SPIB: variants seen among roughly 807,000 people sequenced by gnomAD.
The protein encoded by SPIB is Spi-B transcription factor.
A neutral mutation model predicts 31.9 loss-of-function variants in SPIB; 7 were observed. The ratio of observed to expected loss-of-function variants is 0.22; its 90% confidence interval spans 0.12 to 0.41. SPIB has a LOEUF of 0.41. Among genes scored for constraint, SPIB ranks in the 10% least tolerant of loss-of-function variants. The pLI is 1.00. For missense variants in SPIB, 327 were observed against 360.2 expected, an observed-to-expected ratio of 0.91 and a Z score of 0.75; for synonymous variants, 176 against 158.9, an observed-to-expected ratio of 1.11 and a Z score of -0.81.
rs1452818603 is a variant in SPIB, at chr19:50,430,291, C to T, written c.*1955C>T. 1 of 152,222 alleles carries T rather than the reference C, an allele frequency of 6.6e-6. No individual in the cohort carries two copies. Among genetic ancestry groups the T allele is most frequent in the African/African-American group, 2.4e-5 (1 of 41,410 alleles). The allele number at this position is 152,222 out of a possible 1,614,324, so 9.4% of individuals were successfully genotyped here. A position where few individuals can be genotyped will look rare whatever the true frequency, so the allele number is the denominator to read the frequency against. ...ACTGAAGCCTGGGTGGACTATGGAG[C>T]CCTGGTTGGGACCCCCAGGGAGTCA... On this transcript the variant is annotated 3_prime_UTR_variant, in exon 6 of 6. Transcript: ENST00000595883.
At chr19:50,421,732 G>C (rs561202582) in intron 2 of SPIB, among the ~76,000 whole-genome samples, 16 of 151,884 alleles carry the variant, frequency 1.1e-4, no homozygotes, top group African/African-American at 3.9e-4. Context: ...CTCCTGCCTC[G>C]GCCTCCAGAG....
At chr19:50,419,852 C>A in intron 1 of SPIB, 94 bp from the exon 2 acceptor site, 1 of 1,354,906 alleles carries the variant, frequency 7.4e-7, no homozygotes, top group Non-Finnish European at 9.9e-7. Context: ...GCGGTGGTCA[C>A]AGCTGCTGCC....
Position 50,423,124 on chromosome 19 carries a change from T to C in SPIB, c.339+87T>C, listed in dbSNP as rs938183252. 9 of 646,412 alleles carry C rather than the reference T, an allele frequency of 1.4e-5. 1 individual carries two copies. The highest frequency in any genetic ancestry group is 2.0e-5 in the Non-Finnish European group (8 of 396,122). The allele number at this position is 646,412 out of a possible 1,614,324, so 40.0% of individuals were successfully genotyped here. The stretch of plus-strand genomic sequence containing the variant: ...ATCCCAGCTGCTTGAGAGGCTGAGG[T>C]GGGAGGAGGATTGCTTGAGCCCAGA... On this transcript the variant is annotated intron_variant, in intron 4 of 5. Coordinates refer to ENST00000595883, the MANE Select transcript of SPIB (RefSeq NM_003121.5).
chr19:50,419,068 C>A, intron 1 of SPIB, 83 bp downstream of exon 1: 1 of 1,501,388 alleles, frequency 6.7e-7, no homozygotes, highest in Non-Finnish European at 9.1e-7. Context: ...GCAGTGGTTT[C>A]TCTGCTCCTC....
At chr19:50,419,250 C>T (rs545489456) in intron 1 of SPIB, among the ~76,000 whole-genome samples, 40 of 152,278 alleles carry the variant, frequency 2.6e-4, no homozygotes, top group African/African-American at 6.3e-4. Flanking sequence ...GGGCGTCCTC[C>T]GTGGCTCTCA....
chr19:50,423,875 C>T, intron 5 of SPIB, 120 bp downstream of exon 5: 1 of 1,185,450 alleles, frequency 8.4e-7, no homozygotes, highest in Non-Finnish European at 1.2e-6. Flanking sequence ...CCCAGATCCG[C>T]ACCACCTGCT....
intron 2 of SPIB, 28 bp downstream of exon 2, chr19:50,420,001 AG>A (rs2039474049): frequency 6.2e-6 from 9 of 1,446,394 alleles, no homozygotes; most frequent in South Asian, 6.2e-5. Flanking sequence ...GGGGCCAGGG[AG>A]GGGTGGCCCA....
intron 2 of SPIB, among the ~76,000 whole-genome samples, chr19:50,421,688 C>T (rs1347166851): frequency 6.6e-6 from 1 of 152,070 alleles, no homozygotes; most frequent in East Asian, 1.9e-4. Flanking sequence ...GATCTCAGCT[C>T]ACTGCAACCT....
chr19:50,422,329 C>T, intron 2 of SPIB, 144 bp from the exon 3 acceptor site: 1 of 630,184 alleles, frequency 1.6e-6, no homozygotes, highest in South Asian at 2.2e-5. Flanking sequence ...TGCCTAGTCT[C>T]TGTGTTTCTT....
chr19:50,425,011 TTA>T, intron 5 of SPIB, among the ~76,000 whole-genome samples: 1 of 151,948 alleles, frequency 6.6e-6, no homozygotes, highest in East Asian at 1.9e-4. Flanking sequence ...AATTAATTAA[TTA>T]ATTTATTTTT....
rs1334659523 is a variant in SPIB at position 50,428,087 on chromosome 19, G to T, written c.540G>T (p.Thr180=). ...RLYQFLLGLL[T]RGDMRECVWW... is the part of the protein sequence containing the mutation. The stretch of plus-strand genomic sequence containing the variant: ...ACCAGTTCCTGCTGGGGCTACTGAC[G>T]CGCGGGGACATGCGTGAGTGCGTGT... Residue 180 remains threonine (T), a synonymous_variant, in exon 6 of 6, where the codon ACG becomes ACT. Transcript: ENST00000595883. This position sits in a 1 kb window ranked among gnomAD's most constrained non-coding sequence, Gnocchi z 6.5. 2 of 1,578,760 alleles carry T rather than the reference G, an allele frequency of 1.3e-6. No individual in the cohort carries two copies. Among genetic ancestry groups the T allele is most frequent in the Admixed American group, 3.7e-5 (2 of 54,752 alleles).
chr19:50,423,381 A>G (rs963391393), intron 4 of SPIB, among the ~76,000 whole-genome samples: 1 of 152,110 alleles, frequency 6.6e-6, no homozygotes, highest in African/African-American at 2.4e-5. Context: ...TAGTGACAGG[A>G]AGCCAGGGAC....
chr19:50,427,947 A>T (rs987378737), intron 5 of SPIB, 91 bp from the exon 6 acceptor site: 21 of 1,276,116 alleles, frequency 1.6e-5, no homozygotes, highest in African/African-American at 3.5e-5. Context: ...CAGGAGATGG[A>T]GGCCGGGGTG....
At position 50,428,166 on chromosome 19, in the gene SPIB, C is replaced by T; in HGVS notation, c.619C>T (p.Leu207Phe). 2 of 1,590,414 alleles carry T rather than the reference C, an allele frequency of 1.3e-6. No individual in the cohort carries two copies. The highest frequency in any genetic ancestry group is 1.7e-6 in the Non-Finnish European group (2 of 1,168,470). The change falls in exon 6 of 6, where the codon CTC becomes TTC. Residue 207 changes from leucine to phenylalanine, a missense_variant. Leu to Phe is a conservative substitution (Grantham distance 22). Around this residue, in one of 4 missense-constraint regions of SPIB, gnomAD observed 54 missense variants for 69.5 expected, o/e 0.78. Coordinates refer to ENST00000595883, the MANE Select transcript of SPIB (RefSeq NM_003121.5). The surrounding 1 kb of genome is among the most constrained non-coding windows in gnomAD (Gnocchi z 6.5). ...CCAGTTCTCCTCCAAGCACAAGGAACTCCTGGCGCGCCGCTGGGGCCAGCA... is the reference window on the plus strand; with the variant it reads ...CCAGTTCTCCTCCAAGCACAAGGAATTCCTGGCGCGCCGCTGGGGCCAGCA... ...VFQFSSKHKE[L>F]LARRWGQQKG...
In SPIB at chr19:50,429,624, T is replaced by A. The variant is rs2122562171; in HGVS notation, c.*1288T>A. ...CAGGAGGCTGAGGTGGGAGGATCTC[T>A]TGAGCCCAGGAAGTAGGAGGCTGTA... is the stretch of plus-strand genomic sequence containing the variant. On this transcript the variant is annotated 3_prime_UTR_variant, in exon 6 of 6. Transcript: ENST00000595883. 6.6e-6 allele frequency: 1 copy of A among 152,434 alleles called. No homozygotes were observed. The highest frequency in any genetic ancestry group is 1.9e-4 in the East Asian group (1 of 5,184). The allele number at this position is 152,434 out of a possible 1,614,324, so 9.4% of individuals were successfully genotyped here.
chr19:50,421,850 G>A (rs2039499469), intron 2 of SPIB, among the ~76,000 whole-genome samples: 2 of 151,986 alleles, frequency 1.3e-5, no homozygotes, highest in Non-Finnish European at 1.5e-5. Context: ...CCTGACCTCA[G>A]GTGATTCACT....
intron 2 of SPIB, among the ~76,000 whole-genome samples, chr19:50,421,986 G>C (rs558961866): frequency 6.6e-6 from 1 of 152,184 alleles, no homozygotes; most frequent in Non-Finnish European, 1.5e-5. Flanking sequence ...CTGACCTCAG[G>C]TGATCTGCCC....
chr19:50,420,918 G>T (rs149918763), intron 2 of SPIB, among the ~76,000 whole-genome samples: 2 of 152,058 alleles, frequency 1.3e-5, no homozygotes, highest in African/African-American at 4.8e-5. Flanking sequence ...GTGAGCCACC[G>T]CACCCAGCTG....
rs1256386572 is a variant in SPIB, at chr19:50,428,192, G to A, written c.645G>A (p.Gln215=). Residue 215 remains glutamine (Q), a synonymous_variant, in exon 6 of 6, where the codon CAG becomes CAA. Coordinates refer to ENST00000595883, the MANE Select transcript of SPIB (RefSeq NM_003121.5). This position sits in a 1 kb window ranked among gnomAD's most constrained non-coding sequence, Gnocchi z 6.5. ...KELLARRWGQ[Q]KGNRKRMTYQ... is the part of the protein sequence containing the mutation. Reference sequence around the variant, plus strand: ...TCCTGGCGCGCCGCTGGGGCCAGCAGAAGGGGAACCGCAAGCGCATGACCT... The same window carrying A: ...TCCTGGCGCGCCGCTGGGGCCAGCAAAAGGGGAACCGCAAGCGCATGACCT... The A allele has an allele frequency of 5.7e-6, 9 of 1,590,814 alleles. No homozygotes were observed. Among genetic ancestry groups the A allele is most frequent in the South Asian group, 1.1e-5 (1 of 87,602 alleles).
Sources: gnomAD v4.1 joint callset for allele counts (sites outside exome capture counted in the v4.1 genomes callset) on GRCh38, gnomAD v4.1.1 for gene constraint, gnomAD v4.1.1 regional missense constraint, Gnocchi (gnomAD v3.1) non-coding constraint, MANE v1.5 for transcripts, NCBI Gene and HGNC (gene_info 2026-07-23, HGNC 2026-07-21) for gene names.